Variants in FER1L6 observed in about 807,000 individuals in gnomAD.
FER1L6 encodes fer-1 like family member 6.
A neutral mutation model predicts 219.2 loss-of-function variants in FER1L6; 177 were observed. The ratio of observed to expected loss-of-function variants is 0.81; its 90% CI spans 0.71 to 0.91. FER1L6 has a LOEUF of 0.91. FER1L6 is among the 40% of genes least tolerant of loss of function. FER1L6 has a pLI of 0.00. For synonymous variants in FER1L6, 768 were observed against 824.3 expected (o/e 0.93, Z 1.17); for missense variants, 2,153 against 2,259.9 (o/e 0.95, Z 0.96).
chr8:123,944,175 A>G (rs1010104709), intron 1 of FER1L6, among the ~76,000 whole-genome samples: 4 of 152,040 alleles, frequency 2.6e-5, no homozygotes, highest in Non-Finnish European at 4.4e-5. Flanking sequence ...GGCTCATTCT[A>G]CATGCTCAAT....
At chr8:123,955,947 A>G in intron 1 of FER1L6, 45 bp from the exon 2 acceptor site, 1 of 1,544,822 alleles carries the variant, frequency 6.5e-7, no homozygotes, top group Non-Finnish European at 8.8e-7. Context: ...AACACGTCTA[A>G]ATGACTCAAA....
intron 2 of FER1L6, among the ~76,000 whole-genome samples, chr8:123,962,509 T>C (rs1030839246): frequency 1.3e-5 from 2 of 152,182 alleles, no homozygotes; most frequent in Admixed American, 6.5e-5. Context: ...GTCAGTCTTA[T>C]GATCTCTATT....
In FER1L6 at chr8:123,859,157, G is replaced by A. The variant is rs189542922; in HGVS notation, c.-8+6972G>A. 1.5e-3 allele frequency among the ~76,000 whole-genome samples: 223 copies of A among 152,086 alleles called. 1 individual carries two copies. The highest frequency in any genetic ancestry group is 5.1e-3 in the African/African-American group (211 of 41,490). On this transcript the variant is annotated intron_variant, in intron 1 of 40. Coordinates refer to ENST00000522917, the MANE Select transcript of FER1L6 (RefSeq NM_001039112.2). ...TGGGACCACAGGTGTGCACCTCCAC[G>A]CCCAGCTAATTTTCTTATTTTTTGG...
At chr8:123,936,462 GTTTTTTTT>G (rs779012175) in intron 1 of FER1L6, among the ~76,000 whole-genome samples, 2 of 97,928 alleles carry the variant, frequency 2.0e-5, no homozygotes, top group African/African-American at 3.9e-5. Flanking sequence ...ATTGCAGCCT[GTTTTTTTT>G]TTTTTTTTTT....
chr8:124,054,249 C>T (rs757590645), intron 22 of FER1L6, among the ~76,000 whole-genome samples: 1 of 152,184 alleles, frequency 6.6e-6, no homozygotes, highest in Non-Finnish European at 1.5e-5. Context: ...CAGAAATCTT[C>T]AGTGGCTCTT....
In FER1L6 at chr8:123,861,250, A is replaced by G. The variant is rs1444502216; in HGVS notation, c.-8+9065A>G. 2.5e-5 allele frequency among the ~76,000 whole-genome samples: 3 copies of G among 117,906 alleles called. No individual in the cohort carries two copies. In the South Asian group the frequency reaches 9.7e-4, roughly 38 times the overall value. 77.4% of individuals were successfully genotyped at this position (117,906 alleles called of 152,430 possible). ...TTATTAAATAGGGAATCCTTTCCCC[A>G]TTGCTTGTTTTTCTCAGGTTTGTCA... On this transcript the variant is annotated intron_variant, in intron 1 of 40. Transcript: ENST00000522917.
intron 13 of FER1L6, among the ~76,000 whole-genome samples, chr8:124,003,819 A>C (rs1217598517): frequency 6.6e-6 from 1 of 152,134 alleles, no homozygotes; most frequent in African/African-American, 2.4e-5. Context: ...AATAGGAGCA[A>C]GAAGGTAAGT....
Position 123,975,901 on chromosome 8 carries a change from C to A in FER1L6, c.687C>A (p.Asn229Lys), listed in dbSNP as rs370630712. Reference sequence around the variant, plus strand: ...TTTGTTTTTGTCTCCCTCTAAGGAACCTTTTGATCCCCAATGGGTTTCCAC... The same window carrying A: ...TTTGTTTTTGTCTCCCTCTAAGGAAACTTTTGATCCCCAATGGGTTTCCAC... The part of the protein sequence containing the change: ...TSDTEEPIEK[N>K]LLIPNGFPLE... Residue 229 changes from asparagine to lysine, a missense_variant, in exon 9 of 41, where the codon AAC (asparagine) becomes AAA (lysine). By Grantham distance (94) the Asn-to-Lys change is moderately conservative. Transcript: ENST00000522917. The A allele has an allele frequency of 5.1e-6, 8 of 1,574,752 alleles. No individual in the cohort carries two copies. In the African/African-American group the frequency reaches 5.4e-5, roughly 11 times the overall value.
chr8:123,975,927 T>C lies in FER1L6; in HGVS notation c.713T>C (p.Leu238Pro), dbSNP rs75339130. 1.3e-3 allele frequency: 2,160 copies of C among 1,612,762 alleles called. 19 individuals carry two copies. In the African/African-American group the frequency reaches 0.026, roughly 19 times the overall value. The part of the protein sequence containing the change: ...KNLLIPNGFP[L>P]ERPWARFYVR... The stretch of plus-strand genomic sequence containing the variant: ...CTTTTGATCCCCAATGGGTTTCCAC[T>C]GGAGAGACCGTGGGCCAGATTCTAT... Residue 238 changes from leucine to proline, a missense_variant, in exon 9 of 41, where the codon CTG becomes CCG. Physicochemically the swap from Leu to Pro is moderately conservative, Grantham distance 98. Coordinates refer to ENST00000522917, the MANE Select transcript of FER1L6 (RefSeq NM_001039112.2).
At position 123,958,698 on chromosome 8, in the gene FER1L6, T is replaced by TG. The variant is rs1554621493; in HGVS notation, c.76+2624_76+2625insG. On this transcript the variant is annotated intron_variant, in intron 2 of 40. Transcript: ENST00000522917. ...CATTGCAAGTTGAGTAAAGTGCTATTAAAAAAAAACCCAAAACAGACAGTG... is the reference window on the plus strand; with the variant it reads ...CATTGCAAGTTGAGTAAAGTGCTATTGAAAAAAAAACCCAAAACAGACAGTG... Among the ~76,000 whole-genome samples, 518 of 127,818 alleles carry TG rather than the reference T, an allele frequency of 4.1e-3. 1 individual carries two copies. The highest frequency in any genetic ancestry group is 8.0e-3 in the Middle Eastern group (2 of 250). The allele number at this position is 127,818 out of a possible 152,430, so 83.9% of individuals were successfully genotyped here. A position where few individuals can be genotyped will look rare whatever the true frequency, so the allele number is the denominator to read the frequency against.
chr8:124,109,174 G>A (rs139136493), intron 39 of FER1L6, among the ~76,000 whole-genome samples: 57 of 152,288 alleles, frequency 3.7e-4, no homozygotes, highest in African/African-American at 1.3e-3. Flanking sequence ...AAAGTGGTGA[G>A]GCTGCGGACT....
intron 1 of FER1L6, among the ~76,000 whole-genome samples, chr8:123,909,607 A>G (rs901280474): frequency 5.9e-5 from 9 of 152,190 alleles, no homozygotes; most frequent in Middle Eastern, 3.2e-3. Context: ...GGTTGAGGGG[A>G]AAAAGGTTGC....
intron 18 of FER1L6, among the ~76,000 whole-genome samples, chr8:124,026,882 C>T (rs1818731730): frequency 6.6e-6 from 1 of 152,148 alleles, no homozygotes; most frequent in Admixed American, 6.5e-5. Context: ...GCTTAAACAA[C>T]AGAGATATAT....
chr8:123,997,707 C>A (rs1817196631), intron 12 of FER1L6, among the ~76,000 whole-genome samples: 1 of 152,050 alleles, frequency 6.6e-6, no homozygotes, highest in Non-Finnish European at 1.5e-5. Context: ...CTTTTCTATT[C>A]TTTTTTTCTT....
At chr8:124,070,827 G>T (rs1821038434) in intron 30 of FER1L6, among the ~76,000 whole-genome samples, 1 of 152,144 alleles carries the variant, frequency 6.6e-6, no homozygotes, top group Non-Finnish European at 1.5e-5. Context: ...AGGAGACAGA[G>T]TCATTACCTG....
intron 18 of FER1L6, among the ~76,000 whole-genome samples, chr8:124,026,010 G>A (rs1467591924): frequency 2.6e-5 from 4 of 152,044 alleles, no homozygotes; most frequent in Admixed American, 1.3e-4. Flanking sequence ...ACTTTAAATT[G>A]TAAAAATATA....
At chr8:124,040,634 A>G (rs1819443288) in intron 20 of FER1L6, 1 of 153,900 alleles carries the variant, frequency 6.5e-6, no homozygotes, top group Non-Finnish European at 1.4e-5. Flanking sequence ...ACAGTTATGG[A>G]GGCTGGAGGT....
Position 123,865,476 on chromosome 8 carries a change from A to T in FER1L6, c.-8+13291A>T, listed in dbSNP as rs1425375224. ...CCCCAGAGGTGGAGCCTACAGAGGC[A>T]TGCAGACCTCCTTGAGCTGTGGTGG... is the stretch of plus-strand genomic sequence containing the variant. On this transcript the variant is annotated intron_variant, in intron 1 of 40. Coordinates refer to ENST00000522917, the MANE Select transcript of FER1L6 (RefSeq NM_001039112.2). Among the ~76,000 whole-genome samples the T allele has an allele frequency of 7.3e-5, 11 of 151,552 alleles. 1 individual carries two copies. In the East Asian group the frequency reaches 1.7e-3, roughly 24 times the overall value.
At position 124,019,447 on chromosome 8, in the gene FER1L6, G is replaced by A. The variant is rs368068585; in HGVS notation, c.2013+1729G>A. On this transcript the variant is annotated intron_variant, in intron 16 of 40. Transcript: ENST00000522917. ...CCTCACCATGTATTGTTTTCACCTCGCCAAACTGTCAATGTCTCAGGAAAA... is the reference window on the plus strand; with the variant it reads ...CCTCACCATGTATTGTTTTCACCTCACCAAACTGTCAATGTCTCAGGAAAA... Among the ~76,000 whole-genome samples the A allele has an allele frequency of 5.7e-4, 86 of 152,150 alleles. 2 individuals carry two copies. In the South Asian group the frequency reaches 0.017, roughly 30 times the overall value.
Sources: allele counts gnomAD v4.1 joint callset (sites outside exome capture counted in the v4.1 genomes callset), GRCh38; gene constraint gnomAD v4.1.1; transcripts MANE v1.5; gene names NCBI Gene and HGNC (gene_info 2026-07-23, HGNC 2026-07-21).